KSR1: variants seen among roughly 807,000 people sequenced by gnomAD.
KSR1 encodes kinase suppressor of ras 1.
KSR1 carries 35 observed loss-of-function variants against 92.9 expected under a neutral mutation model. The ratio of observed to expected loss-of-function variants is 0.38; its 90% CI spans 0.29 to 0.50. The LOEUF (loss-of-function observed/expected upper bound fraction) is 0.50, where lower values mean the gene tolerates loss of function less well. Ranked by LOEUF, KSR1 falls within the 20% of genes least tolerant of loss-of-function variation. The pLI is 0.94. For missense variants in KSR1, 972 were observed against 1,158.5 expected, an observed-to-expected ratio of 0.84 and a Z score of 2.34; for synonymous variants, 467 against 472.6, an observed-to-expected ratio of 0.99 and a Z score of 0.15.
chr17:27,543,958 A>C (rs951109982), intron 1 of KSR1, among the ~76,000 whole-genome samples: 4 of 152,180 alleles, frequency 2.6e-5, no homozygotes, highest in African/African-American at 9.7e-5. Context: ...ATTCCCACCC[A>C]TATCTTCTGT....
At chr17:27,574,150 T>TA (rs1361661002) in intron 2 of KSR1, among the ~76,000 whole-genome samples, 1 of 152,168 alleles carries the variant, frequency 6.6e-6, no homozygotes. Context: ...TTTGTTCAGA[T>TA]AAGGTGAAGG....
At chr17:27,495,805 G>T (rs555913096) in intron 1 of KSR1, among the ~76,000 whole-genome samples, 1 of 152,314 alleles carries the variant, frequency 6.6e-6, no homozygotes, top group South Asian at 2.1e-4. Flanking sequence ...CATTGATCAG[G>T]TGCAAACATG....
intron 2 of KSR1, among the ~76,000 whole-genome samples, chr17:27,566,888 A>G (rs1290707260): frequency 6.6e-6 from 1 of 152,148 alleles, no homozygotes; most frequent in Non-Finnish European, 1.5e-5. Flanking sequence ...GAGCTTAAGA[A>G]CGTGGAGCTG....
At chr17:27,511,272 C>T (rs1301471852) in intron 1 of KSR1, among the ~76,000 whole-genome samples, 1 of 152,190 alleles carries the variant, frequency 6.6e-6, no homozygotes, top group African/African-American at 2.4e-5. Context: ...ACTGGACTGT[C>T]ATGACATCTC....
chr17:27,587,988 A>G (rs1003623194), intron 5 of KSR1, among the ~76,000 whole-genome samples: 2 of 152,194 alleles, frequency 1.3e-5, no homozygotes, highest in African/African-American at 4.8e-5. Context: ...AATATCCTCC[A>G]GGGGCTTCTG....
intron 2 of KSR1, among the ~76,000 whole-genome samples, chr17:27,574,380 C>G (rs1162585358): frequency 2.6e-5 from 4 of 152,212 alleles, no homozygotes; most frequent in Non-Finnish European, 5.9e-5. Flanking sequence ...GTTTTATCTT[C>G]TGGAAGGCAA....
At chr17:27,619,709 CT>C (rs145462776) in intron 19 of KSR1, among the ~76,000 whole-genome samples, 14,768 of 150,976 alleles carry the variant, frequency 0.098, 910 homozygotes, top group Middle Eastern at 0.24. Flanking sequence ...CAGGCCTTGT[CT>C]TTTATTTTTT....
chr17:27,595,395 C>T (rs2073305654), intron 9 of KSR1, among the ~76,000 whole-genome samples: 1 of 152,244 alleles, frequency 6.6e-6, no homozygotes, highest in South Asian at 2.1e-4. Context: ...ACACTCCCAC[C>T]TTTGTGATGC....
chr17:27,619,611 T>C (rs2074163102), intron 19 of KSR1, among the ~76,000 whole-genome samples: 3 of 152,054 alleles, frequency 2.0e-5, no homozygotes, highest in African/African-American at 7.3e-5. Context: ...TTGGTCAGGC[T>C]GGTCTCGAAC....
At chr17:27,520,099 T>G (rs2069961917) in intron 1 of KSR1, among the ~76,000 whole-genome samples, 1 of 152,196 alleles carries the variant, frequency 6.6e-6, no homozygotes, top group Non-Finnish European at 1.5e-5. Flanking sequence ...AATTATTTCA[T>G]TTCACTCCAT....
At chr17:27,524,115 T>C (rs890829611) in intron 1 of KSR1, among the ~76,000 whole-genome samples, 1 of 152,002 alleles carries the variant, frequency 6.6e-6, no homozygotes, top group African/African-American at 2.4e-5. Context: ...TTCAGAGTTT[T>C]CTAAATTGGG....
intron 2 of KSR1, among the ~76,000 whole-genome samples, chr17:27,574,514 C>T (rs1309650941): frequency 6.6e-6 from 1 of 152,146 alleles, no homozygotes; most frequent in Non-Finnish European, 1.5e-5. Flanking sequence ...GAAGAATATA[C>T]TGAAAAGCTA....
intron 7 of KSR1, among the ~76,000 whole-genome samples, chr17:27,591,988 T>G (rs2073182198): frequency 6.6e-6 from 1 of 152,228 alleles, no homozygotes. Context: ...AAAGCAAACA[T>G]TATCTGTCTA....
intron 12 of KSR1, 60 bp from the exon 13 acceptor site, chr17:27,604,620 C>T: frequency 1.3e-6 from 2 of 1,536,276 alleles, no homozygotes; most frequent in Non-Finnish European, 1.8e-6. Flanking sequence ...GGAGTCCCCG[C>T]TAGCTGAGAG....
chr17:27,566,466 C>T (rs2072073805), intron 2 of KSR1: 4 of 399,034 alleles, frequency 1.0e-5, no homozygotes, highest in Admixed American at 4.4e-5. Context: ...CATGAATCGC[C>T]TGTGGAGCTG....
chr17:27,567,695 A>C (rs1814231927), intron 2 of KSR1, among the ~76,000 whole-genome samples: 1 of 152,262 alleles, frequency 6.6e-6, no homozygotes, highest in Non-Finnish European at 1.5e-5. Context: ...GGACTAGTGC[A>C]GAAAACCTGG....
intron 1 of KSR1, among the ~76,000 whole-genome samples, chr17:27,518,431 C>A (rs762513822): frequency 3.3e-5 from 5 of 152,168 alleles, no homozygotes; most frequent in Admixed American, 6.5e-5. Context: ...GTTTTCTTTC[C>A]GTCCTTTCTT....
At chr17:27,588,970 C>A (rs1296843045) in intron 6 of KSR1, among the ~76,000 whole-genome samples, 1 of 152,178 alleles carries the variant, frequency 6.6e-6, no homozygotes, top group Admixed American at 6.5e-5. Context: ...GCTCCCCTCA[C>A]CCCCAGTGTT....
intron 2 of KSR1, 65 bp downstream of exon 2, chr17:27,550,773 A>T (rs1345558162): frequency 1.4e-6 from 1 of 724,568 alleles, no homozygotes; most frequent in Non-Finnish European, 2.6e-6. Flanking sequence ...ACACACACAA[A>T]CCCGAGGGCT....
Sources: allele counts gnomAD v4.1 joint callset (sites outside exome capture counted in the v4.1 genomes callset), GRCh38; gene constraint gnomAD v4.1.1; transcripts MANE v1.5; gene names NCBI Gene and HGNC (gene_info 2026-07-23, HGNC 2026-07-21).